OPRM1: variants seen among roughly 807,000 people sequenced by gnomAD.
OPRM1 encodes the protein mu-type opioid receptor.
OPRM1 carries 27 observed loss-of-function variants against 31.8 expected under a neutral mutation model. The observed-to-expected ratio is 0.85, with a 90% CI of 0.63 to 1.17. The LOEUF is 1.17. OPRM1 is among the 50% of genes most tolerant of loss of function. The pLI, the probability that OPRM1 is intolerant of heterozygous loss-of-function variation, is 0.00. For synonymous variants in OPRM1, 196 were observed against 189.9 expected (o/e 1.03, Z -0.26); for missense variants, 536 against 511.1 (o/e 1.05, Z -0.47).
Position 154,241,738 on chromosome 6 carries a change from A to T in OPRM1, c.1165-4955A>T, listed in dbSNP as rs572926569. ...TGGCAGCTCCCTCACTCTCCAAAAC[A>T]TCCAATCTATTGCTGCTAGGTTCAT... On this transcript the variant is annotated intron_variant, in intron 3 of 3. Transcript: ENST00000337049. Among the ~76,000 whole-genome samples the T allele has an allele frequency of 1.5e-4, 23 of 152,110 alleles. 3 individuals carry two copies. The highest frequency in any genetic ancestry group is 6.2e-4 in the South Asian group (3 of 4,820).
In OPRM1 at chr6:154,129,644, G is replaced by GA. The variant is rs1289466329; in HGVS notation, c.*10928dup. Among the ~76,000 whole-genome samples the GA allele has an allele frequency of 6.6e-6, 1 of 152,068 alleles. No individual in the cohort carries two copies. Among genetic ancestry groups the GA allele is most frequent in the Non-Finnish European group, 1.5e-5 (1 of 68,006 alleles). ...CTCATAAGAACATCTACATTCATTT[G>GA]AAAAATAGTTCTATATCTATTCTTG... On this transcript the variant is annotated 3_prime_UTR_variant, in exon 4 of 4. Transcript: ENST00000330432.
At chr6:154,117,174 C>T (rs1796967393) in intron 3 of OPRM1, among the ~76,000 whole-genome samples, 1 of 152,164 alleles carries the variant, frequency 6.6e-6, no homozygotes, top group African/African-American at 2.4e-5. Context: ...TATTTGCTAC[C>T]AGACCCAGGG....
intron 3 of OPRM1, among the ~76,000 whole-genome samples, chr6:154,142,847 T>G (rs956104812): frequency 6.6e-6 from 1 of 152,168 alleles, no homozygotes; most frequent in Non-Finnish European, 1.5e-5. Flanking sequence ...ACACTTGGCC[T>G]TTTAGCCTTG....
In OPRM1 at chr6:154,089,821, C is replaced by A. The variant is rs1293025621; in HGVS notation, c.291-5C>A. ...GATTCTCACTCTTCTTCCTTTATCT[C>A]CTAGATACACCAAGATGAAGACTGC... On this transcript the variant is annotated splice_region_variant and splice_polypyrimidine_tract_variant and intron_variant, in intron 1 of 3. Coordinates refer to ENST00000330432, the MANE Select transcript of OPRM1 (RefSeq NM_000914.5). 3 of 1,599,756 alleles carry A rather than the reference C, an allele frequency of 1.9e-6. No individual in the cohort carries two copies. The highest frequency in any genetic ancestry group is 2.6e-6 in the Non-Finnish European group (3 of 1,168,998).
At chr6:154,017,907 T>G (rs1456927341) in intron 1 of OPRM1, among the ~76,000 whole-genome samples, 1 of 152,148 alleles carries the variant, frequency 6.6e-6, no homozygotes, top group Non-Finnish European at 1.5e-5. Context: ...AACCACCTAG[T>G]CAATTAAGCC....
chr6:154,152,902 A>ATT (rs34724351), intron 3 of OPRM1, among the ~76,000 whole-genome samples: 16 of 143,878 alleles, frequency 1.1e-4, no homozygotes, highest in South Asian at 2.2e-4. Flanking sequence ...ACACCTAGCT[A>ATT]TTTTTTTTTT....
chr6:154,079,544 A>T (rs1423182339), intron 1 of OPRM1, among the ~76,000 whole-genome samples: 2 of 152,222 alleles, frequency 1.3e-5, no homozygotes, highest in East Asian at 3.8e-4. Context: ...ACTCATACAC[A>T]CTGGAGTGCT....
intron 1 of OPRM1, among the ~76,000 whole-genome samples, chr6:154,075,745 T>A (rs1472069531): frequency 6.6e-6 from 1 of 152,204 alleles, no homozygotes; most frequent in African/African-American, 2.4e-5. Flanking sequence ...GCAGAGGGCT[T>A]GAAGACTTGG....
chr6:154,015,268 C>T (rs773543966), intron 1 of OPRM1, among the ~76,000 whole-genome samples: 4 of 151,882 alleles, frequency 2.6e-5, no homozygotes, highest in East Asian at 1.9e-4. Context: ...AGTCTCATAA[C>T]GGTGTAGAAT....
intron 1 of OPRM1, chr6:154,011,136 C>G: frequency 1.1e-6 from 1 of 947,280 alleles, no homozygotes; most frequent in Non-Finnish European, 1.4e-6. Flanking sequence ...TACCTTGTCC[C>G]TGTGATGTAA....
chr6:154,166,108 A>T (rs1261891265), intron 3 of OPRM1, among the ~76,000 whole-genome samples: 2 of 152,252 alleles, frequency 1.3e-5, no homozygotes, highest in Non-Finnish European at 2.9e-5. Flanking sequence ...CTGGCCACAG[A>T]CACTTTGAAA....
chr6:154,119,295 C>T lies in OPRM1; in HGVS notation c.*574C>T, dbSNP rs1797178050. ...TGTATTGTTTAAAAAAATAACATCT[C>T]TTTCATCTAGCTCCATAATTGCAAG... On this transcript the variant is annotated 3_prime_UTR_variant, in exon 4 of 4. Coordinates refer to ENST00000330432, the MANE Select transcript of OPRM1 (RefSeq NM_000914.5). 2 of 985,478 alleles carry T rather than the reference C, an allele frequency of 2.0e-6. No homozygotes were observed. The highest frequency in any genetic ancestry group is 2.4e-6 in the Non-Finnish European group (2 of 829,904). 61.0% of individuals were successfully genotyped at this position (985,478 alleles called of 1,614,324 possible).
Position 154,125,565 on chromosome 6 carries a change from G to T in OPRM1, c.*6844G>T, listed in dbSNP as rs1157567522. On this transcript the variant is annotated 3_prime_UTR_variant, in exon 4 of 4. Transcript: ENST00000330432. ...AGTGGGGAAAATTCATCTTCATATT[G>T]TCACATGCACTGTAATAGGAATGTT... Among the ~76,000 whole-genome samples the T allele has an allele frequency of 6.6e-6, 1 of 152,112 alleles. No individual in the cohort carries two copies. Among genetic ancestry groups the T allele is most frequent in the Non-Finnish European group, 1.5e-5 (1 of 68,034 alleles).
chr6:154,036,658 G>A (rs191059775), upstream of OPRM1, among the ~76,000 whole-genome samples: 76 of 151,836 alleles, frequency 5.0e-4, 1 homozygote, highest in East Asian at 0.011. Context: ...AGGACAAAAC[G>A]TCTTCATTAA....
chr6:154,215,593 C>T (rs566430299), intron 3 of OPRM1, among the ~76,000 whole-genome samples: 61 of 151,690 alleles, frequency 4.0e-4, no homozygotes, highest in African/African-American at 9.0e-4. Context: ...GCAACAAGAG[C>T]GAAACTCCAT....
chr6:154,229,224 G>C (rs974898753), intron 3 of OPRM1, among the ~76,000 whole-genome samples: 1 of 151,956 alleles, frequency 6.6e-6, no homozygotes, highest in East Asian at 1.9e-4. Context: ...TATAAGGTGT[G>C]GAATAAATAC....
Position 154,120,819 on chromosome 6 carries a change from T to G in OPRM1, c.*2098T>G, listed in dbSNP as rs1797257323. ...TTATCTGGCATGTTGAGAGCAACTT[T>G]GTCTTCAAGTAGGACCTGATCTATC... On this transcript the variant is annotated 3_prime_UTR_variant, in exon 4 of 4. Coordinates refer to ENST00000330432, the MANE Select transcript of OPRM1 (RefSeq NM_000914.5). 6.6e-6 allele frequency among the ~76,000 whole-genome samples: 1 copy of G among 152,204 alleles called. No homozygotes were observed. Among genetic ancestry groups the G allele is most frequent in the African/African-American group, 2.4e-5 (1 of 41,466 alleles).
chr6:154,048,152 C>T (rs1781516829), intron 1 of OPRM1, among the ~76,000 whole-genome samples: 1 of 152,164 alleles, frequency 6.6e-6, no homozygotes, highest in Non-Finnish European at 1.5e-5. Context: ...CTAAGTGATT[C>T]AAATATTAAC....
At chr6:154,159,909 C>T (rs200528142) in intron 3 of OPRM1, 84 of 1,612,934 alleles carry the variant, frequency 5.2e-5, no homozygotes, top group Non-Finnish European at 6.6e-5. Flanking sequence ...CAGGGGCAGG[C>T]GAAGCCCGCT....
Sources: allele counts gnomAD v4.1 joint callset (sites outside exome capture counted in the v4.1 genomes callset), GRCh38; gene constraint gnomAD v4.1.1; transcripts MANE v1.5; gene names NCBI Gene and HGNC (gene_info 2026-07-23, HGNC 2026-07-21).